The following AGPAT1 variants were observed in gnomAD, a reference collection of about 807,000 sequenced individuals.
AGPAT1 encodes 1-acylglycerol-3-phosphate O-acyltransferase 1.
Under a neutral mutation model 31.2 loss-of-function variants are expected in AGPAT1, and 6 were observed. The ratio of observed to expected loss-of-function variants is 0.19; its 90% confidence interval spans 0.11 to 0.38. The LOEUF (loss-of-function observed/expected upper bound fraction) is 0.38. AGPAT1 is among the 10% of genes least tolerant of loss of function. The pLI, the probability that AGPAT1 is intolerant of heterozygous loss-of-function variation, is 1.00. For synonymous variants in AGPAT1, 139 were observed against 154.0 expected, an observed-to-expected ratio of 0.90 and a Z score of 0.72; for missense variants, 187 against 377.8, an observed-to-expected ratio of 0.49 and a Z score of 4.19.
In AGPAT1 at chr6:32,174,922, T is replaced by C. The variant is rs1258850035; in HGVS notation, c.-10+892A>G. Among the ~76,000 whole-genome samples, 1 of 152,208 alleles carries C rather than the reference T, an allele frequency of 6.6e-6. No individual in the cohort carries two copies. The highest frequency in any genetic ancestry group is 1.9e-4 in the East Asian group (1 of 5,204). On this transcript the variant is annotated intron_variant, in intron 1 of 6. Transcript: ENST00000375107. This position sits in a 1 kb window ranked among gnomAD's most constrained non-coding sequence, Gnocchi z 4.5. ...GCGCATACACATGTGTTCTGTGAACTGTGACTGGGAAAACACAGCAAACAG... is the reference window on the plus strand; with the variant it reads ...GCGCATACACATGTGTTCTGTGAACCGTGACTGGGAAAACACAGCAAACAG...
At position 32,171,285 on chromosome 6, in the gene AGPAT1, C is replaced by T; in HGVS notation, c.200+12G>A. The T allele has an allele frequency of 1.2e-6, 2 of 1,613,150 alleles. No individual in the cohort carries two copies. Among genetic ancestry groups the T allele is most frequent in the East Asian group, 4.5e-5 (2 of 44,882 alleles). On this transcript the variant is annotated intron_variant, in intron 2 of 6. Transcript: ENST00000375107. This position sits in a 1 kb window ranked among gnomAD's most constrained non-coding sequence, Gnocchi z 6.9. ...TAGGTTCCCTCATTGCCCAAGACCC[C>T]TTGCCCCTCACTTCATGTTCTCGAC...
chr6:32,176,705 C>G, upstream of AGPAT1: 1 of 239,540 alleles, frequency 4.2e-6, no homozygotes. Context: ...ATCCCTGACC[C>G]TTTCCTTTTC....
At position 32,168,449 on chromosome 6, in the gene AGPAT1, C is replaced by T. The variant is rs891210169; in HGVS notation, c.*827G>A. ...AATAAATTAAAAGCCCTCCTATCCCCTCCAGCCAGGGTTCGTTCCTTTCCC... is the reference window on the plus strand; with the variant it reads ...AATAAATTAAAAGCCCTCCTATCCCTTCCAGCCAGGGTTCGTTCCTTTCCC... On this transcript the variant is annotated 3_prime_UTR_variant, in exon 7 of 7. Coordinates refer to ENST00000375107, the MANE Select transcript of AGPAT1 (RefSeq NM_006411.4). The surrounding 1 kb of genome is among the most constrained non-coding windows in gnomAD (Gnocchi z 4.5). 6.4e-6 allele frequency: 1 copy of T among 157,188 alleles called. No individual in the cohort carries two copies. Among genetic ancestry groups the T allele is most frequent in the Non-Finnish European group, 1.4e-5 (1 of 71,240 alleles). The allele number at this position is 157,188 out of a possible 1,614,324, so 9.7% of individuals were successfully genotyped here. A position where few individuals can be genotyped will look rare whatever the true frequency, so the allele number is the denominator to read the frequency against.
In AGPAT1 at chr6:32,170,698, G is replaced by A. The variant is rs1325280270; in HGVS notation, c.335-98C>T. The stretch of plus-strand genomic sequence containing the variant: ...GCTCATCACCCTCTGGTAGGGACTG[G>A]AGGTGAAGGAGGAGACTAGGCAGGG... On this transcript the variant is annotated intron_variant, in intron 3 of 6. Coordinates refer to ENST00000375107, the MANE Select transcript of AGPAT1 (RefSeq NM_006411.4). This position sits in a 1 kb window ranked among gnomAD's most constrained non-coding sequence, Gnocchi z 7.7. 1 of 1,462,760 alleles carries A rather than the reference G, an allele frequency of 6.8e-7. No homozygotes were observed. The highest frequency in any genetic ancestry group is 9.4e-7 in the Non-Finnish European group (1 of 1,061,864). The allele number at this position is 1,462,760 out of a possible 1,614,324, so 90.6% of individuals were successfully genotyped here. A position where few individuals can be genotyped will look rare whatever the true frequency, so the allele number is the denominator to read the frequency against.
rs1785422174 is a variant in AGPAT1 at position 32,175,152 on chromosome 6, TCA to T, written c.-10+660_-10+661del. ...TAGAACAGGTGCAATATATGAAAAC[TCA>T]CACACATGCGGTACTTAAAACATGT... On this transcript the variant is annotated intron_variant, in intron 1 of 6. Transcript: ENST00000375107. The surrounding 1 kb of genome is among the most constrained non-coding windows in gnomAD (Gnocchi z 4.5). Among the ~76,000 whole-genome samples, 1 of 152,196 alleles carries T rather than the reference TCA, an allele frequency of 6.6e-6. No individual in the cohort carries two copies. Among genetic ancestry groups the T allele is most frequent in the African/African-American group, 2.4e-5 (1 of 41,444 alleles).
Position 32,170,986 on chromosome 6 carries a change from C to T in AGPAT1, c.285G>A (p.Ser95=), listed in dbSNP as rs150973441. ...GGTTGGAGACAACAACATAGGGCTG[C>T]GAGGGAGGGAAGTGGTGAGCCCCTC... ...EVRGAHHFPP[S]QPYVVVSNHQ... Residue 95 remains serine, a synonymous_variant, in exon 3 of 7, where the codon TCG becomes TCA. Transcript: ENST00000375107. The surrounding 1 kb of genome is among the most constrained non-coding windows in gnomAD (Gnocchi z 7.7). 18 of 1,612,494 alleles carry T rather than the reference C, an allele frequency of 1.1e-5. No individual in the cohort carries two copies. Among genetic ancestry groups the T allele is most frequent in the South Asian group, 1.1e-5 (1 of 91,032 alleles).
rs1450914477 is a variant in AGPAT1 at position 32,168,479 on chromosome 6, T to A, written c.*797A>T. On this transcript the variant is annotated 3_prime_UTR_variant, in exon 7 of 7. Coordinates refer to ENST00000375107, the MANE Select transcript of AGPAT1 (RefSeq NM_006411.4). The surrounding 1 kb of genome is among the most constrained non-coding windows in gnomAD (Gnocchi z 4.5). ...GCCAGGGTTCGTTCCTTTCCCCAAC[T>A]CCCCAGGGGGCAGAAGTGAGTGCAG... 6.4e-6 allele frequency: 1 copy of A among 155,604 alleles called. No homozygotes were observed. Among genetic ancestry groups the A allele is most frequent in the Non-Finnish European group, 1.4e-5 (1 of 70,212 alleles). The allele number at this position is 155,604 out of a possible 1,614,324, so 9.6% of individuals were successfully genotyped here. A position where few individuals can be genotyped will look rare whatever the true frequency, so the allele number is the denominator to read the frequency against.
chr6:32,177,515 C>G (rs942918846), upstream of AGPAT1: 3 of 158,808 alleles, frequency 1.9e-5, no homozygotes, highest in African/African-American at 7.2e-5. Flanking sequence ...AGGGGTGGGC[C>G]TTTAGTTCAG....
chr6:32,176,431 C>T (rs1785563630), upstream of AGPAT1: 1 of 925,956 alleles, frequency 1.1e-6, no homozygotes, highest in Non-Finnish European at 1.3e-6. Context: ...TTATCTGCTG[C>T]TTATTCCCCC....
Position 32,171,598 on chromosome 6 carries a change from T to C in AGPAT1, c.-9-93A>G. 6.7e-7 allele frequency: 1 copy of C among 1,493,956 alleles called. No individual in the cohort carries two copies. The highest frequency in any genetic ancestry group is 2.5e-5 in the East Asian group (1 of 40,594). 92.5% of individuals were successfully genotyped at this position (1,493,956 alleles called of 1,614,324 possible). On this transcript the variant is annotated intron_variant, in intron 1 of 6. Coordinates refer to ENST00000375107, the MANE Select transcript of AGPAT1 (RefSeq NM_006411.4). This position sits in a 1 kb window ranked among gnomAD's most constrained non-coding sequence, Gnocchi z 6.9. ...AAGGCAGGGCTGGGGGCTGGTGCTA[T>C]GAGGACAAGGGCCTGAGACACAAAC...
Position 32,171,333 on chromosome 6 carries a change from A to G in AGPAT1, c.164T>C (p.Val55Ala). The change falls in exon 2 of 7, where the codon GTG (valine) becomes GCG (alanine). Residue 55 changes from valine to alanine, a missense_variant. By Grantham distance (64) the Val-to-Ala change is moderately conservative (BLOSUM62 0). This residue lies in a region of AGPAT1 where 45 missense variants were observed against 60.9 expected (regional missense o/e 0.74). Coordinates refer to ENST00000375107, the MANE Select transcript of AGPAT1 (RefSeq NM_006411.4). The surrounding 1 kb of genome is among the most constrained non-coding windows in gnomAD (Gnocchi z 6.9). ...ILFLAVLAIP[V>A]CAVRGRNVEN... ...GACGTTGCGTCCTCGCACGGCACAC[A>G]CAGGGATGGCGAGCACAGCCAGGAA... 2 of 1,613,136 alleles carry G rather than the reference A, an allele frequency of 1.2e-6. No individual in the cohort carries two copies. Among genetic ancestry groups the G allele is most frequent in the African/African-American group, 1.3e-5 (1 of 75,048 alleles).
chr6:32,170,274 A>G lies in AGPAT1; in HGVS notation c.511-14T>C, dbSNP rs1177517729. 1 of 1,610,670 alleles carries G rather than the reference A, an allele frequency of 6.2e-7. No homozygotes were observed. Among genetic ancestry groups the G allele is most frequent in the Non-Finnish European group, 8.5e-7 (1 of 1,178,302 alleles). On this transcript the variant is annotated splice_polypyrimidine_tract_variant and intron_variant, in intron 4 of 6. Transcript: ENST00000375107. The surrounding 1 kb of genome is among the most constrained non-coding windows in gnomAD (Gnocchi z 7.7). Reference sequence around the variant, plus strand: ...CCAGACCCTCACCTGGGGGAGAAAGAGGGTCAAAGAAGACAAATACATATG... The same window carrying G: ...CCAGACCCTCACCTGGGGGAGAAAGGGGGTCAAAGAAGACAAATACATATG...
chr6:32,171,456 A>G lies in AGPAT1; in HGVS notation c.41T>C (p.Leu14Pro), dbSNP rs977923338. ...WPGAWMLLLLLFLLLLFLLPT... is the reference protein window; with the variant it reads ...WPGAWMLLLLPFLLLLFLLPT... Reference sequence around the variant, plus strand: ...CAGCAGGAAGAGCAGCAGCAGGAAGAGCAGCAGCAGCAGCATCCATGCCCC... The same window carrying G: ...CAGCAGGAAGAGCAGCAGCAGGAAGGGCAGCAGCAGCAGCATCCATGCCCC... Residue 14 changes from leucine (L) to proline (P), a missense_variant, in exon 2 of 7, where the codon CTC becomes CCC. Leu to Pro is a moderately conservative substitution (Grantham distance 98). This residue lies in a region of AGPAT1 where 45 missense variants were observed against 60.9 expected (regional missense o/e 0.74). Transcript: ENST00000375107. The surrounding 1 kb of genome is among the most constrained non-coding windows in gnomAD (Gnocchi z 6.9). 28 of 1,607,840 alleles carry G rather than the reference A, an allele frequency of 1.7e-5. No homozygotes were observed. The highest frequency in any genetic ancestry group is 2.2e-5 in the Non-Finnish European group (26 of 1,178,092).
chr6:32,172,534 C>T lies in AGPAT1; in HGVS notation c.-9-1029G>A, dbSNP rs374579873. Among the ~76,000 whole-genome samples, 1 of 152,110 alleles carries T rather than the reference C, an allele frequency of 6.6e-6. No individual in the cohort carries two copies. The highest frequency in any genetic ancestry group is 1.5e-5 in the Non-Finnish European group (1 of 68,028). On this transcript the variant is annotated intron_variant, in intron 1 of 6. Coordinates refer to ENST00000375107, the MANE Select transcript of AGPAT1 (RefSeq NM_006411.4). The surrounding 1 kb of genome is among the most constrained non-coding windows in gnomAD (Gnocchi z 4.3). ...GTCTAGAAAGTACTATTACTATTTA[C>T]ATTTTATAGGAAATAGGCCCAGGGA...
At position 32,172,231 on chromosome 6, in the gene AGPAT1, G is replaced by A. The variant is rs1785168062; in HGVS notation, c.-9-726C>T. Among the ~76,000 whole-genome samples, 3 of 151,832 alleles carry A rather than the reference G, an allele frequency of 2.0e-5. No individual in the cohort carries two copies. The highest frequency in any genetic ancestry group is 6.6e-5 in the Admixed American group (1 of 15,252). On this transcript the variant is annotated intron_variant, in intron 1 of 6. Transcript: ENST00000375107. The surrounding 1 kb of genome is among the most constrained non-coding windows in gnomAD (Gnocchi z 4.3). ...GGAGGCTGAGGCAGGAGAATCGCTTGAATCCGGGAGGCGGAGGTTGCAGTG... is the reference window on the plus strand; with the variant it reads ...GGAGGCTGAGGCAGGAGAATCGCTTAAATCCGGGAGGCGGAGGTTGCAGTG...
chr6:32,173,947 C>T lies in AGPAT1; in HGVS notation c.-10+1867G>A, dbSNP rs1785312249. 2.0e-5 allele frequency among the ~76,000 whole-genome samples: 3 copies of T among 152,154 alleles called. 1 individual carries two copies. The highest frequency in any genetic ancestry group is 4.4e-5 in the Non-Finnish European group (3 of 68,014). ...GGCTGGTTTTGAACTCCTGGACTCA[C>T]GCGATCCTCCTGCCTCAGCCTTCCA... On this transcript the variant is annotated intron_variant, in intron 1 of 6. Transcript: ENST00000375107. The surrounding 1 kb of genome is among the most constrained non-coding windows in gnomAD (Gnocchi z 4.7).
At position 32,169,922 on chromosome 6, in the gene AGPAT1, C is replaced by G. The variant is rs1216635803; in HGVS notation, c.679+44G>C. 6.5e-7 allele frequency: 1 copy of G among 1,549,762 alleles called. No individual in the cohort carries two copies. The highest frequency in any genetic ancestry group is 8.9e-7 in the Non-Finnish European group (1 of 1,124,716). On this transcript the variant is annotated intron_variant, in intron 6 of 6. Coordinates refer to ENST00000375107, the MANE Select transcript of AGPAT1 (RefSeq NM_006411.4). This position sits in a 1 kb window ranked among gnomAD's most constrained non-coding sequence, Gnocchi z 5.9. ...CTGCCTCACAGGGATGTCCTCCCAG[C>G]CTCTCCGGACACACCCTACCCCAGA...
upstream of AGPAT1, chr6:32,176,629 A>G: frequency 3.9e-6 from 2 of 516,246 alleles, no homozygotes; most frequent in Non-Finnish European, 2.5e-6. Context: ...ACTATCTCCC[A>G]GCAGTCCAGC....
In AGPAT1 at chr6:32,174,427, C is replaced by T. The variant is rs1484540943; in HGVS notation, c.-10+1387G>A. Among the ~76,000 whole-genome samples the T allele has an allele frequency of 6.6e-6, 1 of 152,194 alleles. No homozygotes were observed. The highest frequency in any genetic ancestry group is 1.5e-5 in the Non-Finnish European group (1 of 68,038). On this transcript the variant is annotated intron_variant, in intron 1 of 6. Transcript: ENST00000375107. This position sits in a 1 kb window ranked among gnomAD's most constrained non-coding sequence, Gnocchi z 4.5. ...ATAATGAAGGCAGAGTAACAATAAT[C>T]AGGAAGAGGTCATCTCACAAGAGAA...
Sources: gnomAD v4.1 joint callset for allele counts (sites outside exome capture counted in the v4.1 genomes callset) on GRCh38, gnomAD v4.1.1 for gene constraint, gnomAD v4.1.1 regional missense constraint, Gnocchi (gnomAD v3.1) non-coding constraint, MANE v1.5 for transcripts, NCBI Gene and HGNC (gene_info 2026-07-23, HGNC 2026-07-21) for gene names.